BACH2: variants seen among roughly 807,000 people sequenced by gnomAD.
The protein encoded by BACH2 is BACH transcriptional regulator 2.
A neutral mutation model predicts 61.8 loss-of-function variants in BACH2; 5 were observed. That is an observed-to-expected ratio of 0.08 (90% confidence interval 0.04 to 0.17). The LOEUF (loss-of-function observed/expected upper bound fraction) is 0.17, where lower values mean the gene tolerates loss of function less well. Among genes scored for constraint, BACH2 ranks in the 10% least tolerant of loss-of-function variants. The pLI is 1.00. For synonymous variants in BACH2, 446 were observed against 440.1 expected (o/e 1.01, Z -0.17); for missense variants, 824 against 1,091.1 (o/e 0.76, Z 3.45).
rs142452300 is a variant in BACH2, at chr6:90,177,372, G to A, written c.-162+29197C>T. On this transcript the variant is annotated intron_variant, in intron 4 of 8. Coordinates refer to ENST00000257749, the MANE Select transcript of BACH2 (RefSeq NM_021813.4). Reference sequence around the variant, plus strand: ...AACTATCATCTATTGAGCACCTACCGTACAGCAGATCCCATACTAAGCTTT... The same window carrying A: ...AACTATCATCTATTGAGCACCTACCATACAGCAGATCCCATACTAAGCTTT... Among the ~76,000 whole-genome samples the A allele has an allele frequency of 1.8e-4, 28 of 152,212 alleles. 1 individual carries two copies. The South Asian group carries it at 5.2e-3, about 28-fold the overall frequency.
At chr6:90,226,686 A>C (rs1159502726) in intron 3 of BACH2, among the ~76,000 whole-genome samples, 2 of 152,104 alleles carry the variant, frequency 1.3e-5, no homozygotes, top group Non-Finnish European at 2.9e-5. Context: ...CACAGAGCCC[A>C]AGTCCTTAGA....
At chr6:90,148,968 G>C (rs1784718619) in intron 4 of BACH2, among the ~76,000 whole-genome samples, 1 of 152,160 alleles carries the variant, frequency 6.6e-6, no homozygotes, top group South Asian at 2.1e-4. Context: ...GAGAGACGAA[G>C]AACCAAATGC....
chr6:90,127,299 G>GC (rs1783893404), intron 4 of BACH2, among the ~76,000 whole-genome samples: 1 of 152,212 alleles, frequency 6.6e-6, no homozygotes, highest in Non-Finnish European at 1.5e-5. Context: ...ATGGCTGCAG[G>GC]CATGAGAAGA....
At chr6:90,283,157 T>C (rs1771909320) in intron 1 of BACH2, among the ~76,000 whole-genome samples, 1 of 152,230 alleles carries the variant, frequency 6.6e-6, no homozygotes, top group South Asian at 2.1e-4. Context: ...TCTTCCTTTG[T>C]GAAATGCATG....
chr6:90,005,351 G>A (rs1422967904), intron 6 of BACH2, among the ~76,000 whole-genome samples: 1 of 152,172 alleles, frequency 6.6e-6, no homozygotes, highest in Non-Finnish European at 1.5e-5. Context: ...GGAGGGCAGG[G>A]CCAGAAGTTG....
intron 7 of BACH2, among the ~76,000 whole-genome samples, chr6:89,939,652 ATTTCTTTTT>A (rs1773283702): frequency 1.2e-5 from 1 of 85,918 alleles, no homozygotes; most frequent in South Asian, 3.7e-4. Flanking sequence ...GATTGCTTAT[ATTTCTTTTT>A]TTTTTTTTTT....
At chr6:90,153,320 G>C (rs777101577) in intron 4 of BACH2, among the ~76,000 whole-genome samples, 1 of 152,154 alleles carries the variant, frequency 6.6e-6, no homozygotes, top group Non-Finnish European at 1.5e-5. Flanking sequence ...GCAAGTCACT[G>C]TATATCTAAG....
At chr6:90,273,404 G>A (rs1317645549) in intron 1 of BACH2, among the ~76,000 whole-genome samples, 2 of 152,110 alleles carry the variant, frequency 1.3e-5, no homozygotes, top group Non-Finnish European at 2.9e-5. Flanking sequence ...TCCTGCAAAG[G>A]CTTGCTGTGA....
Position 89,951,952 on chromosome 6 carries a change from C to T in BACH2, c.244-90G>A. The T allele has an allele frequency of 2.8e-6, 4 of 1,448,650 alleles. No homozygotes were observed. Among genetic ancestry groups the T allele is most frequent in the Non-Finnish European group, 3.8e-6 (4 of 1,064,506 alleles). 89.7% of individuals were successfully genotyped at this position (1,448,650 alleles called of 1,614,324 possible). On this transcript the variant is annotated intron_variant, in intron 6 of 8. Coordinates refer to ENST00000257749, the MANE Select transcript of BACH2 (RefSeq NM_021813.4). The surrounding 1 kb of genome is among the most constrained non-coding windows in gnomAD (Gnocchi z 6.4). ...ACTGAAGCAAGATAACCAGACAGTG[C>T]TAATGTCCCAGAATAAAGACTGCAA...
At chr6:89,952,523 C>G (rs373590355) in intron 6 of BACH2, among the ~76,000 whole-genome samples, 1 of 152,110 alleles carries the variant, frequency 6.6e-6, no homozygotes, top group East Asian at 1.9e-4. Context: ...GTGGTGTGCT[C>G]AAGATGAAAT....
At chr6:90,185,665 G>A (rs1299311057) in intron 4 of BACH2, among the ~76,000 whole-genome samples, 2 of 152,112 alleles carry the variant, frequency 1.3e-5, no homozygotes, top group African/African-American at 4.8e-5. Context: ...TGGATGAAAC[G>A]ACATCTGATG....
chr6:90,162,795 T>C (rs932349939), intron 4 of BACH2, among the ~76,000 whole-genome samples: 1 of 152,212 alleles, frequency 6.6e-6, no homozygotes, highest in Non-Finnish European at 1.5e-5. Flanking sequence ...CAGACATCTC[T>C]GATGCTGCCC....
rs1772458658 is a variant in BACH2 at position 89,928,298 on chromosome 6, A to G, written c.*4110T>C. 6.6e-6 allele frequency: 1 copy of G among 152,350 alleles called. No individual in the cohort carries two copies. The highest frequency in any genetic ancestry group is 2.4e-5 in the African/African-American group (1 of 41,450). 9.4% of individuals were successfully genotyped at this position (152,350 alleles called of 1,614,324 possible). ...CTAGTTTAAATGGGGCATAATGTAGAGAAGTAGGTAGCCAAATAGGGACTT... is the reference window on the plus strand; with the variant it reads ...CTAGTTTAAATGGGGCATAATGTAGGGAAGTAGGTAGCCAAATAGGGACTT... On this transcript the variant is annotated 3_prime_UTR_variant, in exon 9 of 9. Coordinates refer to ENST00000257749, the MANE Select transcript of BACH2 (RefSeq NM_021813.4).
chr6:90,278,584 T>C (rs540067190), intron 1 of BACH2, among the ~76,000 whole-genome samples: 14 of 152,370 alleles, frequency 9.2e-5, no homozygotes, highest in African/African-American at 3.4e-4. Context: ...GGCAGGGACC[T>C]GTGTGATACT....
chr6:90,225,019 C>G (rs940822502), intron 3 of BACH2, among the ~76,000 whole-genome samples: 2 of 152,152 alleles, frequency 1.3e-5, no homozygotes, highest in Admixed American at 6.5e-5. Flanking sequence ...CAACAATTTA[C>G]TGAGCACCTG....
intron 4 of BACH2, among the ~76,000 whole-genome samples, chr6:90,174,638 G>T (rs1346200247): frequency 1.3e-5 from 2 of 151,886 alleles, no homozygotes; most frequent in African/African-American, 4.8e-5. Flanking sequence ...AGCCAATAAG[G>T]TTTCCATATA....
intron 5 of BACH2, among the ~76,000 whole-genome samples, chr6:90,031,673 AACT>A (rs1274255931): frequency 6.6e-6 from 1 of 152,234 alleles, no homozygotes; most frequent in Non-Finnish European, 1.5e-5. Flanking sequence ...CTTCAAGGAG[AACT>A]ACAAGCCACT....
chr6:89,974,988 T>C lies in BACH2; in HGVS notation c.244-23126A>G, dbSNP rs146457109. Among the ~76,000 whole-genome samples the C allele has an allele frequency of 9.5e-3, 1,446 of 152,318 alleles. 15 individuals are homozygous for C. Among genetic ancestry groups the C allele is most frequent in the East Asian group, 0.029 (148 of 5,180 alleles). Reference sequence around the variant, plus strand: ...AAGTGCGGAAAGTGGAGTGGATGCATGTTTTACTGAAAGAGTCAGCAACAG... The same window carrying C: ...AAGTGCGGAAAGTGGAGTGGATGCACGTTTTACTGAAAGAGTCAGCAACAG... On this transcript the variant is annotated intron_variant, in intron 6 of 8. Transcript: ENST00000257749.
At position 90,263,841 on chromosome 6, in the gene BACH2, A is replaced by G. The variant is rs1391153268; in HGVS notation, c.-353+8008T>C. 5.3e-5 allele frequency among the ~76,000 whole-genome samples: 8 copies of G among 152,182 alleles called. No homozygotes were observed. The South Asian group carries it at 1.7e-3, about 31-fold the overall frequency. On this transcript the variant is annotated intron_variant, in intron 2 of 8. Coordinates refer to ENST00000257749, the MANE Select transcript of BACH2 (RefSeq NM_021813.4). Reference sequence around the variant, plus strand: ...TAATAACTGAAGGTCCCATGTTCTCAAGGTAATGGCACCAGCAAAATCCCT... The same window carrying G: ...TAATAACTGAAGGTCCCATGTTCTCGAGGTAATGGCACCAGCAAAATCCCT...
Sources: allele counts gnomAD v4.1 joint callset (sites outside exome capture counted in the v4.1 genomes callset), GRCh38; gene constraint gnomAD v4.1.1; non-coding constraint Gnocchi (gnomAD v3.1); transcripts MANE v1.5; gene names NCBI Gene and HGNC (gene_info 2026-07-23, HGNC 2026-07-21).